The following CNTNAP2 variants were observed in gnomAD, a reference collection of about 807,000 sequenced individuals.
CNTNAP2 encodes the protein contactin-associated protein-like 2.
Under a neutral mutation model 155.2 loss-of-function variants are expected in CNTNAP2, and 98 were observed. The observed-to-expected ratio is 0.63, with a 90% confidence interval of 0.54 to 0.75. The LOEUF (loss-of-function observed/expected upper bound fraction) is 0.75. Among genes scored for constraint, CNTNAP2 ranks in the 30% least tolerant of loss-of-function variants. The pLI is 0.00. For missense variants in CNTNAP2, 1,727 were observed against 1,688.1 expected (o/e 1.02, Z -0.40); for synonymous variants, 651 against 631.2 (o/e 1.03, Z -0.47).
chr7:146,408,014 A>C (rs757306875), intron 1 of CNTNAP2, among the ~76,000 whole-genome samples: 1 of 152,192 alleles, frequency 6.6e-6, no homozygotes, highest in Non-Finnish European at 1.5e-5. Flanking sequence ...ACTATTATCA[A>C]CAAGGCTTCT....
rs998543443 is a variant in CNTNAP2 at position 148,035,583 on chromosome 7, G to A, written c.2383+57594G>A. On this transcript the variant is annotated intron_variant, in intron 15 of 23. Transcript: ENST00000361727. ...TGTAGGCACACAAAGTACATTAGCTGTGGGGCCATGGTAGCCTCTACCTAG... is the reference window on the plus strand; with the variant it reads ...TGTAGGCACACAAAGTACATTAGCTATGGGGCCATGGTAGCCTCTACCTAG... Among the ~76,000 whole-genome samples the A allele has an allele frequency of 2.0e-5, 3 of 152,314 alleles. No individual in the cohort carries two copies. The East Asian group carries it at 5.8e-4, about 29-fold the overall frequency.
intron 1 of CNTNAP2, among the ~76,000 whole-genome samples, chr7:146,451,912 A>G (rs1232057000): frequency 7.7e-6 from 1 of 129,654 alleles, no homozygotes; most frequent in Non-Finnish European, 1.5e-5. Flanking sequence ...TTTATTATTT[A>G]TTTATTTATT....
At chr7:147,989,384 G>A (rs998302464) in intron 15 of CNTNAP2, among the ~76,000 whole-genome samples, 5 of 152,158 alleles carry the variant, frequency 3.3e-5, no homozygotes, top group African/African-American at 9.7e-5. Flanking sequence ...TACCTCAGCT[G>A]CAAATGAGAA....
At chr7:147,380,642 C>T (rs1340250628) in intron 9 of CNTNAP2, among the ~76,000 whole-genome samples, 3 of 152,056 alleles carry the variant, frequency 2.0e-5, no homozygotes, top group Admixed American at 6.6e-5. Context: ...TTTCTTGGCT[C>T]GCCAATTTCA....
At chr7:148,059,752 A>G (rs534029661) in intron 15 of CNTNAP2, among the ~76,000 whole-genome samples, 166 of 148,852 alleles carry the variant, frequency 1.1e-3, no homozygotes, top group African/African-American at 3.5e-3. Flanking sequence ...CTATACATAT[A>G]TTTATATTTA....
chr7:148,382,330 AG>A (rs1431046788), intron 21 of CNTNAP2, among the ~76,000 whole-genome samples: 2 of 152,206 alleles, frequency 1.3e-5, no homozygotes, highest in Admixed American at 6.5e-5. Context: ...GGAGATACCA[AG>A]GGGAAGACAG....
At chr7:146,151,814 G>T (rs1046868906) in intron 1 of CNTNAP2, among the ~76,000 whole-genome samples, 2 of 148,636 alleles carry the variant, frequency 1.3e-5, no homozygotes, top group Non-Finnish European at 3.0e-5. Flanking sequence ...TACCATCATT[G>T]TTTAATTTAC....
At chr7:146,566,832 G>A (rs774598469) in intron 1 of CNTNAP2, among the ~76,000 whole-genome samples, 16 of 152,198 alleles carry the variant, frequency 1.1e-4, no homozygotes, top group Middle Eastern at 3.4e-3. Context: ...ATCCTAGAAA[G>A]GTCTTCATAG....
At chr7:147,610,898 C>T (rs1255220569) in intron 12 of CNTNAP2, among the ~76,000 whole-genome samples, 2 of 152,018 alleles carry the variant, frequency 1.3e-5, no homozygotes, top group African/African-American at 4.8e-5. Context: ...GTCATCATGC[C>T]CAGCTAATTT....
chr7:147,081,541 T>A, intron 4 of CNTNAP2: 1 of 151,634 alleles, frequency 6.6e-6, no homozygotes, highest in Non-Finnish European at 1.5e-5. Flanking sequence ...CTCAGACTCC[T>A]GAGTAGCTGG....
intron 13 of CNTNAP2, among the ~76,000 whole-genome samples, chr7:147,744,145 A>G (rs1226970037): frequency 6.6e-6 from 1 of 152,228 alleles, no homozygotes; most frequent in Admixed American, 6.5e-5. Flanking sequence ...AGCATTTGAT[A>G]TCACTGAGGC....
At chr7:148,027,313 C>T (rs1467007024) in intron 15 of CNTNAP2, among the ~76,000 whole-genome samples, 1 of 152,248 alleles carries the variant, frequency 6.6e-6, no homozygotes, top group South Asian at 2.1e-4. Context: ...AAAAGTTTAG[C>T]CAATAGAATC....
At chr7:146,281,056 G>A (rs545414341) in intron 1 of CNTNAP2, among the ~76,000 whole-genome samples, 2 of 152,272 alleles carry the variant, frequency 1.3e-5, no homozygotes, top group East Asian at 3.9e-4. Flanking sequence ...TGACCTACAA[G>A]AATTACAGAG....
chr7:147,002,837 A>T (rs1798449295), intron 3 of CNTNAP2, among the ~76,000 whole-genome samples: 1 of 151,202 alleles, frequency 6.6e-6, no homozygotes, highest in Non-Finnish European at 1.5e-5. Flanking sequence ...GAACCTTAAC[A>T]GCTCATAAAC....
intron 12 of CNTNAP2, among the ~76,000 whole-genome samples, chr7:147,564,661 C>T (rs1800132768): frequency 6.6e-6 from 1 of 152,124 alleles, no homozygotes; most frequent in South Asian, 2.1e-4. Flanking sequence ...CAAGGACACA[C>T]ACAACACACA....
chr7:146,972,357 C>T (rs1053654790), intron 3 of CNTNAP2, among the ~76,000 whole-genome samples: 7 of 151,976 alleles, frequency 4.6e-5, no homozygotes, highest in Non-Finnish European at 8.8e-5. Flanking sequence ...CAGAGGAAAG[C>T]TTATTTCTCT....
chr7:148,310,590 G>A (rs1309033795), intron 21 of CNTNAP2, among the ~76,000 whole-genome samples: 3 of 152,184 alleles, frequency 2.0e-5, no homozygotes, highest in African/African-American at 7.2e-5. Flanking sequence ...TCGGTGTCAT[G>A]AGGGGAACAG....
intron 18 of CNTNAP2, chr7:148,190,288 A>G (rs1254385795): frequency 1.3e-5 from 2 of 152,222 alleles, no homozygotes; most frequent in African/African-American, 4.8e-5. Flanking sequence ...GGACACATGA[A>G]AAAGCTTTGA....
intron 3 of CNTNAP2, among the ~76,000 whole-genome samples, chr7:146,865,143 A>C (rs1795179409): frequency 6.6e-6 from 1 of 152,106 alleles, no homozygotes; most frequent in South Asian, 2.1e-4. Flanking sequence ...TGAAATACTA[A>C]CAGTTAATTA....
Sources: allele counts gnomAD v4.1 joint callset (sites outside exome capture counted in the v4.1 genomes callset), GRCh38; gene constraint gnomAD v4.1.1; transcripts MANE v1.5; gene names NCBI Gene and HGNC (gene_info 2026-07-23, HGNC 2026-07-21).